GRID2: variants seen among roughly 807,000 people sequenced by gnomAD.
GRID2 encodes the protein glutamate ionotropic receptor delta type subunit 2.
GRID2 carries 33 observed loss-of-function variants against 114.8 expected under a neutral mutation model. That is an observed-to-expected ratio of 0.29 (90% confidence interval 0.22 to 0.38). GRID2 has a LOEUF of 0.38. Ranked by LOEUF, GRID2 falls within the 10% of genes least tolerant of loss-of-function variation. The pLI is 1.00. For missense variants in GRID2, 1,184 were observed against 1,257.7 expected (o/e 0.94, Z 0.89); for synonymous variants, 505 against 449.9 (o/e 1.12, Z -1.55).
chr4:93,392,777 A>G (rs1282356906), intron 8 of GRID2, among the ~76,000 whole-genome samples: 1 of 152,076 alleles, frequency 6.6e-6, no homozygotes, highest in East Asian at 1.9e-4. Context: ...CACATTTATG[A>G]AAAAGATTCA....
chr4:92,940,489 G>T lies in GRID2; in HGVS notation c.245-144506G>T, dbSNP rs994091335. Among the ~76,000 whole-genome samples the T allele has an allele frequency of 7.9e-5, 12 of 152,072 alleles. No homozygotes were observed. In the South Asian group the frequency reaches 1.0e-3, roughly 13 times the overall value. ...TGGGCTGAGACGATGGGGTTTTCTA[G>T]ATATACAATCCTGTCATCTGCAAAC... On this transcript the variant is annotated intron_variant, in intron 2 of 15. Transcript: ENST00000282020.
At chr4:93,012,958 G>T (rs759271565) in intron 2 of GRID2, among the ~76,000 whole-genome samples, 7 of 151,756 alleles carry the variant, frequency 4.6e-5, no homozygotes, top group African/African-American at 9.7e-5. Flanking sequence ...GAAATAATTA[G>T]AATCTAAAAC....
chr4:93,238,429 A>G lies in GRID2; in HGVS notation c.1184A>G (p.Asn395Ser). Residue 395 changes from asparagine to serine, a missense_variant, in exon 8 of 16, where the codon AAT (asparagine) becomes AGT (serine). Physicochemically the swap from Asn to Ser is conservative, Grantham distance 46. This residue lies in a region of GRID2 where 717 missense variants were observed against 796.9 expected (regional missense o/e 0.90). Coordinates refer to ENST00000282020, the MANE Select transcript of GRID2 (RefSeq NM_001510.4). ...TTTGGAGAAAATGGAGGCAATCCCA[A>G]TGTCCACTTTGAAATCCTTGGAACC... ...LEFGENGGNP[N>S]VHFEILGTNY... 1 of 1,608,438 alleles carries G rather than the reference A, an allele frequency of 6.2e-7. No individual in the cohort carries two copies. The highest frequency in any genetic ancestry group is 8.5e-7 in the Non-Finnish European group (1 of 1,175,410).
intron 2 of GRID2, among the ~76,000 whole-genome samples, chr4:92,755,399 C>T (rs1270854929): frequency 6.6e-6 from 1 of 152,076 alleles, no homozygotes; most frequent in African/African-American, 2.4e-5. Context: ...AAGATAATTT[C>T]CTATCTTCAA....
chr4:92,597,152 C>G (rs981030910), intron 2 of GRID2, among the ~76,000 whole-genome samples: 10 of 151,882 alleles, frequency 6.6e-5, no homozygotes, highest in African/African-American at 1.2e-4. Flanking sequence ...AATTGACTCA[C>G]AGTTCCACAT....
intron 2 of GRID2, among the ~76,000 whole-genome samples, chr4:92,882,001 T>A (rs986514691): frequency 6.6e-6 from 1 of 152,204 alleles, no homozygotes; most frequent in Non-Finnish European, 1.5e-5. Flanking sequence ...GGTAATATTC[T>A]TAGGACACAT....
intron 1 of GRID2, among the ~76,000 whole-genome samples, chr4:92,472,837 G>C (rs374071569): frequency 1.1e-4 from 17 of 152,050 alleles, no homozygotes; most frequent in African/African-American, 4.1e-4. Flanking sequence ...GTTGTCGACT[G>C]TATGATTTGC....
At chr4:93,522,565 A>C (rs1730442365) in intron 13 of GRID2, among the ~76,000 whole-genome samples, 1 of 152,128 alleles carries the variant, frequency 6.6e-6, no homozygotes, top group Non-Finnish European at 1.5e-5. Flanking sequence ...TTAAGAGCAC[A>C]TGCAAAAAAA....
At chr4:93,351,368 G>C (rs1383176386) in intron 8 of GRID2, among the ~76,000 whole-genome samples, 1 of 151,988 alleles carries the variant, frequency 6.6e-6, no homozygotes, top group Non-Finnish European at 1.5e-5. Context: ...CTGATCCACA[G>C]CTTTGCAGAT....
At chr4:92,402,639 C>A (rs1353499043) in intron 1 of GRID2, among the ~76,000 whole-genome samples, 1 of 152,146 alleles carries the variant, frequency 6.6e-6, no homozygotes, top group Non-Finnish European at 1.5e-5. Context: ...TTAACATATT[C>A]AGTAAACCAT....
chr4:93,617,285 A>G (rs1413163059), intron 13 of GRID2, among the ~76,000 whole-genome samples: 1 of 152,196 alleles, frequency 6.6e-6, no homozygotes, highest in African/African-American at 2.4e-5. Context: ...GAATGGTACA[A>G]TAATGTATGT....
chr4:93,412,238 C>T (rs543435744), intron 9 of GRID2, among the ~76,000 whole-genome samples: 2 of 150,734 alleles, frequency 1.3e-5, no homozygotes, highest in Admixed American at 6.6e-5. Flanking sequence ...ATCCCCCCCC[C>T]CCAAAAAAAA....
intron 14 of GRID2, among the ~76,000 whole-genome samples, chr4:93,644,966 G>C (rs2117703): frequency 0.46 from 70,115 of 151,930 alleles, 17,814 homozygotes; most frequent in African/African-American, 0.68. Flanking sequence ...ATGTCTCCAA[G>C]AAGGCAGAGA....
intron 2 of GRID2, among the ~76,000 whole-genome samples, chr4:92,852,910 A>G (rs1423339302): frequency 6.6e-6 from 1 of 151,904 alleles, no homozygotes; most frequent in Admixed American, 6.6e-5. Context: ...ATTCTCCCTT[A>G]TGCCTTCCTA....
chr4:92,665,701 T>G (rs760533828), intron 2 of GRID2, among the ~76,000 whole-genome samples: 154 of 150,716 alleles, frequency 1.0e-3, no homozygotes, highest in Non-Finnish European at 1.8e-3. Flanking sequence ...TATAGGATTC[T>G]TGGTTGACAT....
chr4:93,620,372 A>C (rs2149681750), intron 13 of GRID2, among the ~76,000 whole-genome samples: 1 of 152,306 alleles, frequency 6.6e-6, no homozygotes, highest in Admixed American at 6.5e-5. Flanking sequence ...AAATTTACTA[A>C]ATTAAAGATT....
chr4:92,410,636 C>A (rs755348698), intron 1 of GRID2, among the ~76,000 whole-genome samples: 5 of 152,096 alleles, frequency 3.3e-5, no homozygotes, highest in Non-Finnish European at 7.3e-5. Context: ...AATCCTACTT[C>A]AAGCACATTT....
intron 4 of GRID2, among the ~76,000 whole-genome samples, chr4:93,157,395 TAA>T (rs1374544837): frequency 6.6e-6 from 1 of 151,736 alleles, no homozygotes; most frequent in African/African-American, 2.4e-5. Context: ...TAAAAATATC[TAA>T]GTTTTAAAAT....
At chr4:93,703,462 C>T (rs1727696826) in intron 14 of GRID2, among the ~76,000 whole-genome samples, 1 of 152,008 alleles carries the variant, frequency 6.6e-6, no homozygotes, top group Non-Finnish European at 1.5e-5. Context: ...TGACTGTAGT[C>T]ACCCTGTTGT....
Sources: gnomAD v4.1 joint callset for allele counts (sites outside exome capture counted in the v4.1 genomes callset) on GRCh38, gnomAD v4.1.1 for gene constraint, gnomAD v4.1.1 regional missense constraint, MANE v1.5 for transcripts, NCBI Gene and HGNC (gene_info 2026-07-23, HGNC 2026-07-21) for gene names.